GSE1: variants seen among roughly 807,000 people sequenced by gnomAD.
The protein encoded by GSE1 is genetic suppressor element 1.
A neutral mutation model predicts 112.6 loss-of-function variants in GSE1; 32 were observed. The observed-to-expected ratio is 0.28, with a 90% CI of 0.21 to 0.38. GSE1 has a LOEUF of 0.38. Ranked by LOEUF, GSE1 falls within the 10% of genes least tolerant of loss-of-function variation. The probability of loss-of-function intolerance (pLI) is 1.00; values close to 1 mark genes in which losing one functional copy is unlikely to be tolerated. For missense variants in GSE1, 2,348 were observed against 1,699.2 expected, an observed-to-expected ratio of 1.38 and a Z score of -6.71; for synonymous variants, 1,115 against 735.6, an observed-to-expected ratio of 1.52 and a Z score of -8.35.
intron 1 of GSE1, among the ~76,000 whole-genome samples, chr16:85,302,836 G>C (rs2045565000): frequency 6.6e-6 from 1 of 152,204 alleles, no homozygotes; most frequent in African/African-American, 2.4e-5. Flanking sequence ...GTCAGCGGCT[G>C]TCACAAGTAA....
At chr16:85,511,663 GGGGTATCCA>G (rs1426723485) in intron 2 of GSE1, among the ~76,000 whole-genome samples, 1 of 152,184 alleles carries the variant, frequency 6.6e-6, no homozygotes, top group African/African-American at 2.4e-5. Context: ...GGATTGTCCT[GGGGTATCCA>G]GGTGGCCTAA....
At chr16:85,442,276 C>T (rs1241788690) in intron 2 of GSE1, among the ~76,000 whole-genome samples, 3 of 152,156 alleles carry the variant, frequency 2.0e-5, no homozygotes, top group Admixed American at 6.5e-5. Flanking sequence ...TTATGGGGCC[C>T]CCAGTTGCTG....
chr16:85,574,170 T>A (rs891526386), intron 1 of GSE1, among the ~76,000 whole-genome samples: 1 of 152,176 alleles, frequency 6.6e-6, no homozygotes, highest in Non-Finnish European at 1.5e-5. Flanking sequence ...CCAGCGCTCT[T>A]GTGGGAGAGA....
At position 85,246,367 on chromosome 16, in the gene GSE1, A is replaced by C. The variant is rs1226892813; in HGVS notation, c.2283+74560A>C. On this transcript the variant is annotated intron_variant, in intron 1 of 2. Coordinates refer to the GSE1 transcript ENST00000637419. ...GCTGTCTACACACACACACACACAC[A>C]CCACACGCTGTCTACACACACACCC... Among the ~76,000 whole-genome samples the C allele has an allele frequency of 7.3e-4, 50 of 68,358 alleles. 1 individual carries two copies. Among genetic ancestry groups the C allele is most frequent in the East Asian group, 1.1e-3 (2 of 1,864 alleles). 44.8% of individuals were successfully genotyped at this position (68,358 alleles called of 152,430 possible).
chr16:85,615,842 T>TG (rs35863808), intron 1 of GSE1, among the ~76,000 whole-genome samples: 6 of 152,202 alleles, frequency 3.9e-5, no homozygotes, highest in South Asian at 4.1e-4. Context: ...GACCCGGGTC[T>TG]GGGGGTTGTC....
chr16:85,259,891 G>T (rs1260387043), intron 1 of GSE1, among the ~76,000 whole-genome samples: 1 of 152,218 alleles, frequency 6.6e-6, no homozygotes, highest in Admixed American at 6.5e-5. Context: ...GACATCTGTT[G>T]ACCTACCCCA....
At chr16:85,476,880 C>T (rs1488753521) in intron 2 of GSE1, among the ~76,000 whole-genome samples, 5 of 149,334 alleles carry the variant, frequency 3.3e-5, no homozygotes, top group South Asian at 2.1e-4. Flanking sequence ...TCCAAAGTGT[C>T]GAGGCTACAG....
At chr16:85,487,581 C>T (rs566972461) in intron 2 of GSE1, among the ~76,000 whole-genome samples, 1 of 152,338 alleles carries the variant, frequency 6.6e-6, no homozygotes, top group Admixed American at 6.5e-5. Flanking sequence ...GTGACCCGCC[C>T]AGGTCACACA....
chr16:85,398,912 A>G lies in GSE1; in HGVS notation c.2464+41269A>G, dbSNP rs534071313. On this transcript the variant is annotated intron_variant, in intron 2 of 2. Transcript: ENST00000637419. The stretch of plus-strand genomic sequence containing the variant: ...GTGGTATGTTTGTGTAGACATGTAT[A>G]ATGCATGTCGAGTGTGTATCCACAT... Among the ~76,000 whole-genome samples, 49 of 152,228 alleles carry G rather than the reference A, an allele frequency of 3.2e-4. 1 individual carries two copies. Among genetic ancestry groups the G allele is most frequent in the Admixed American group, 8.5e-4 (13 of 15,298 alleles).
chr16:85,666,761 C>G, intron 13 of GSE1: 1 of 214,908 alleles, frequency 4.7e-6, no homozygotes, highest in South Asian at 6.3e-5. Context: ...GCCGCCAGTC[C>G]TCAGGGTAGA....
At chr16:85,326,771 G>A (rs776445434) in intron 1 of GSE1, among the ~76,000 whole-genome samples, 2 of 152,204 alleles carry the variant, frequency 1.3e-5, no homozygotes, top group Non-Finnish European at 2.9e-5. Context: ...TCCTGTCCAG[G>A]GTAGAAGCTG....
chr16:85,170,003 G>T, exon 1 of GSE1: 1 of 984,428 alleles, frequency 1.0e-6, no homozygotes, highest in Non-Finnish European at 1.2e-6. Flanking sequence ...GGCGGCCCCC[G>T]GCTGCGCGGG....
chr16:85,613,458 C>G, intron 1 of GSE1, 60 bp downstream of exon 1: 1 of 1,436,824 alleles, frequency 7.0e-7, no homozygotes, highest in Non-Finnish European at 9.4e-7. Context: ...CCGCACTGTC[C>G]TCCTGCAAGT....
intron 2 of GSE1, 142 bp from the exon 3 acceptor site, chr16:85,648,410 G>A: frequency 1.7e-6 from 1 of 584,542 alleles, no homozygotes; most frequent in Non-Finnish European, 3.0e-6. Flanking sequence ...CCTGTCTTGG[G>A]TGGGGGCCCA....
chr16:85,478,941 CTTTCTTTTTTTT>C (rs2050582757), intron 2 of GSE1, among the ~76,000 whole-genome samples: 2 of 104,294 alleles, frequency 1.9e-5, no homozygotes, highest in African/African-American at 3.8e-5. Context: ...TTCTTTCTTT[CTTTCTTTTTTTT>C]TCTTTCTTTC....
At chr16:85,483,975 C>T (rs978041767) in intron 2 of GSE1, among the ~76,000 whole-genome samples, 15 of 152,194 alleles carry the variant, frequency 9.9e-5, no homozygotes, top group Non-Finnish European at 2.2e-4. Context: ...GAGGAAACCT[C>T]CTCAGCGACC....
chr16:85,664,681 T>G, intron 11 of GSE1: 1 of 226,312 alleles, frequency 4.4e-6, no homozygotes, highest in South Asian at 6.5e-5. Context: ...TGTTTCTTTG[T>G]GTTGGGGCCA....
At chr16:85,281,995 G>T (rs111645995) in intron 1 of GSE1, among the ~76,000 whole-genome samples, 4,260 of 151,762 alleles carry the variant, frequency 0.028, 195 homozygotes, top group African/African-American at 0.097. Flanking sequence ...GGGTGCCACA[G>T]CCGGGGTTAT....
At chr16:85,223,250 C>T (rs528169872) in intron 1 of GSE1, among the ~76,000 whole-genome samples, 1 of 152,172 alleles carries the variant, frequency 6.6e-6, no homozygotes, top group Non-Finnish European at 1.5e-5. Context: ...AGTCTGGGCA[C>T]GTTGGCTCAC....
Sources: allele counts gnomAD v4.1 joint callset (sites outside exome capture counted in the v4.1 genomes callset), GRCh38; gene constraint gnomAD v4.1.1; transcripts MANE v1.5; gene names NCBI Gene and HGNC (gene_info 2026-07-23, HGNC 2026-07-21).